MBD2: variants seen among roughly 807,000 people sequenced by gnomAD.
The protein encoded by MBD2 is methyl-CpG binding domain protein 2.
In MBD2, 9 loss-of-function variants were observed where a neutral mutation model predicts 39.3. The ratio of observed to expected loss-of-function variants is 0.23; its 90% CI spans 0.14 to 0.40. The LOEUF (loss-of-function observed/expected upper bound fraction) is 0.40, where lower values mean the gene tolerates loss of function less well. Among genes scored for constraint, MBD2 ranks in the 10% least tolerant of loss-of-function variants. The probability of loss-of-function intolerance (pLI) is 1.00; values close to 1 mark genes in which losing one functional copy is unlikely to be tolerated. For synonymous variants in MBD2, 233 were observed against 211.1 expected (o/e 1.10, Z -0.90); for missense variants, 458 against 532.6 (o/e 0.86, Z 1.38).
chr18:54,198,462 C>G (rs2086382255), intron 2 of MBD2, among the ~76,000 whole-genome samples: 1 of 152,176 alleles, frequency 6.6e-6, no homozygotes, highest in South Asian at 2.1e-4. Flanking sequence ...CGCCTGTAAT[C>G]CTAGCACTTT....
At position 54,224,228 on chromosome 18, in the gene MBD2, C is replaced by CCGT; in HGVS notation, c.331_332insACG (p.Cys111delinsTyrGly). ...GCCGCCACCGCTGCCGCCGCCGCCG[C>CCGT]AGCCGCCGCCGTCGCCGCCAAGGCC... On this transcript the variant is annotated protein_altering_variant, in exon 1 of 7. Coordinates refer to ENST00000256429, the MANE Select transcript of MBD2 (RefSeq NM_003927.5). The CCGT allele has an allele frequency of 2.9e-6, 3 of 1,042,716 alleles. No individual in the cohort carries two copies. The highest frequency in any genetic ancestry group is 3.5e-6 in the Non-Finnish European group (3 of 868,446). 64.6% of individuals were successfully genotyped at this position (1,042,716 alleles called of 1,614,324 possible).
rs188037142 is a variant in MBD2, at chr18:54,180,267, C to T, written c.840+8607G>A. On this transcript the variant is annotated intron_variant, in intron 3 of 6. Transcript: ENST00000256429. ...AATATTAATTCTCCCCACAGATTTA[C>T]ATCCTAGCAGCATAAAGAAAATATT... 4.6e-4 allele frequency among the ~76,000 whole-genome samples: 70 copies of T among 152,238 alleles called. No homozygotes were observed. In the Middle Eastern group the frequency reaches 0.01, roughly 22 times the overall value.
rs2086056905 is a variant in MBD2 at position 54,157,014 on chromosome 18, C to T, written c.*13-1703G>A. Among the ~76,000 whole-genome samples, 4 of 152,134 alleles carry T rather than the reference C, an allele frequency of 2.6e-5. No individual in the cohort carries two copies. In the South Asian group the frequency reaches 8.3e-4, roughly 32 times the overall value. On this transcript the variant is annotated intron_variant, in intron 6 of 6. Coordinates refer to ENST00000256429, the MANE Select transcript of MBD2 (RefSeq NM_003927.5). ...GAGAGTCCATTCCGAAGCAACAGTG[C>T]AGAATCTGGATCAGGTGAGATCCAG...
intron 2 of MBD2, among the ~76,000 whole-genome samples, chr18:54,200,553 T>C (rs2086398055): frequency 6.6e-6 from 1 of 152,148 alleles, no homozygotes; most frequent in African/African-American, 2.4e-5. Flanking sequence ...ATCTTGCCTC[T>C]CCTCCCAGTT....
At position 54,224,079 on chromosome 18, in the gene MBD2, T is replaced by C; in HGVS notation, c.481A>G (p.Lys161Glu). Residue 161 changes from lysine to glutamate, a missense_variant, in exon 1 of 7, where the codon AAG becomes GAG. Physicochemically the swap from Lys to Glu is moderately conservative, Grantham distance 56. Around this residue, in one of 2 missense-constraint regions of MBD2, gnomAD observed 269 missense variants for 236.0 expected, o/e 1.14. Transcript: ENST00000256429. ...CCAGATTTTCGGATCACTTCCTCCT[T>C]CTTCCATCCGGGGGGGAGGGCCGGG... The part of the protein sequence containing the change: ...DCPALPPGWK[K>E]EEVIRKSGLS... The C allele has an allele frequency of 6.2e-7, 1 of 1,600,300 alleles. No homozygotes were observed. Among genetic ancestry groups the C allele is most frequent in the Non-Finnish European group, 8.5e-7 (1 of 1,175,758 alleles).
intron 1 of MBD2, among the ~76,000 whole-genome samples, chr18:54,211,374 G>A (rs2086504740): frequency 7.1e-6 from 1 of 141,410 alleles, no homozygotes; most frequent in Admixed American, 7.3e-5. Context: ...TTAAAAGAAT[G>A]TATATTATTG....
chr18:54,174,615 G>A (rs1182930723), intron 3 of MBD2, among the ~76,000 whole-genome samples: 1 of 152,186 alleles, frequency 6.6e-6, no homozygotes. Context: ...GATAGTCAAT[G>A]TATTTGCTGC....
chr18:54,188,671 T>C (rs1233160469), intron 3 of MBD2, among the ~76,000 whole-genome samples: 2 of 152,168 alleles, frequency 1.3e-5, no homozygotes, highest in African/African-American at 4.8e-5. Flanking sequence ...ATGAATTAGA[T>C]TCATTATTAA....
intron 3 of MBD2, among the ~76,000 whole-genome samples, chr18:54,187,017 TTAAAACTC>T (rs1399703719): frequency 5.9e-5 from 9 of 152,322 alleles, no homozygotes; most frequent in African/African-American, 1.9e-4. Context: ...TATTTCAACT[TTAAAACTC>T]TAAGTTACCA....
At chr18:54,202,931 C>A in intron 2 of MBD2, 1 of 1,018,486 alleles carries the variant, frequency 9.8e-7, no homozygotes, top group Non-Finnish European at 1.6e-6. Flanking sequence ...CTGGAGTATG[C>A]AGGGCAGGCT....
At position 54,204,910 on chromosome 18, in the gene MBD2, C is replaced by A. The variant is rs1394369796; in HGVS notation, c.702+88G>T. On this transcript the variant is annotated intron_variant, in intron 2 of 6. Coordinates refer to ENST00000256429, the MANE Select transcript of MBD2 (RefSeq NM_003927.5). ...GACATGCACGGGACATTTGGACAACCAAAATTCCAGTCACTTAATTATGAT... is the reference window on the plus strand; with the variant it reads ...GACATGCACGGGACATTTGGACAACAAAAATTCCAGTCACTTAATTATGAT... The A allele has an allele frequency of 1.6e-5, 22 of 1,381,476 alleles. No homozygotes were observed. In the East Asian group the frequency reaches 4.8e-4, roughly 30 times the overall value. 85.6% of individuals were successfully genotyped at this position (1,381,476 alleles called of 1,614,324 possible).
chr18:54,177,883 G>C lies in MBD2; in HGVS notation c.840+10991C>G, dbSNP rs543578895. On this transcript the variant is annotated intron_variant, in intron 3 of 6. Transcript: ENST00000256429. ...GTATCACTCTGTTGCCCAAGCAGGA[G>C]TCAGGGATGCAGTGGGTATGATCAT... Among the ~76,000 whole-genome samples, 3 of 131,818 alleles carry C rather than the reference G, an allele frequency of 2.3e-5. No individual in the cohort carries two copies. The East Asian group carries it at 6.9e-4, about 30-fold the overall frequency. The allele number at this position is 131,818 out of a possible 152,430, so 86.5% of individuals were successfully genotyped here.
intron 2 of MBD2, among the ~76,000 whole-genome samples, chr18:54,192,601 T>C (rs1181405360): frequency 6.6e-6 from 1 of 152,170 alleles, no homozygotes; most frequent in Non-Finnish European, 1.5e-5. Context: ...TCTACTTCAG[T>C]AGACACACAG....
chr18:54,219,207 A>G (rs886996576), intron 1 of MBD2, among the ~76,000 whole-genome samples: 1 of 152,218 alleles, frequency 6.6e-6, no homozygotes, highest in African/African-American at 2.4e-5. Flanking sequence ...TCAAAATTCC[A>G]GAAAAAGGCT....
At chr18:54,213,916 T>C (rs1252219851) in intron 1 of MBD2, among the ~76,000 whole-genome samples, 1 of 152,068 alleles carries the variant, frequency 6.6e-6, no homozygotes, top group African/African-American at 2.4e-5. Context: ...TACACACACA[T>C]ATTAATATTT....
At chr18:54,194,608 T>C (rs2086351392) in intron 2 of MBD2, among the ~76,000 whole-genome samples, 2 of 152,002 alleles carry the variant, frequency 1.3e-5, no homozygotes, top group Admixed American at 1.3e-4. Context: ...AATAATTTTA[T>C]GTTCTCAAGT....
chr18:54,190,220 G>A (rs533996501), intron 2 of MBD2, among the ~76,000 whole-genome samples: 8 of 152,034 alleles, frequency 5.3e-5, no homozygotes, highest in Admixed American at 2.0e-4. Flanking sequence ...GAATAATGTC[G>A]TTTTGTTCAA....
Position 54,154,312 on chromosome 18 carries a change from T to G in MBD2, c.*1012A>C, listed in dbSNP as rs2086038768. On this transcript the variant is annotated 3_prime_UTR_variant, in exon 7 of 7. Coordinates refer to ENST00000256429, the MANE Select transcript of MBD2 (RefSeq NM_003927.5). ...GCGAGTTTCAACAGAAAAAGAATGTTAATATTTTGGAGGCCAGGCCAGGTA... is the reference window on the plus strand; with the variant it reads ...GCGAGTTTCAACAGAAAAAGAATGTGAATATTTTGGAGGCCAGGCCAGGTA... The G allele has an allele frequency of 1.3e-5, 2 of 152,166 alleles. No individual in the cohort carries two copies. The highest frequency in any genetic ancestry group is 1.3e-4 in the Admixed American group (2 of 15,270). 9.4% of individuals were successfully genotyped at this position (152,166 alleles called of 1,614,324 possible).
chr18:54,190,613 T>C (rs943668110), intron 2 of MBD2, among the ~76,000 whole-genome samples: 5 of 152,194 alleles, frequency 3.3e-5, no homozygotes, highest in Non-Finnish European at 7.4e-5. Context: ...TAGAAGTGTT[T>C]TGGTCTTTAT....
Sources: gnomAD v4.1 joint callset for allele counts (sites outside exome capture counted in the v4.1 genomes callset) on GRCh38, gnomAD v4.1.1 for gene constraint, gnomAD v4.1.1 regional missense constraint, MANE v1.5 for transcripts, NCBI Gene and HGNC (gene_info 2026-07-23, HGNC 2026-07-21) for gene names.